The following NHSL1 variants were observed in gnomAD, a reference collection of about 807,000 sequenced individuals.
NHSL1 encodes the protein NHS like 1.
NHSL1 carries 48 observed loss-of-function variants against 95.0 expected under a neutral mutation model. The observed-to-expected ratio is 0.51, with a 90% confidence interval of 0.40 to 0.64. The LOEUF (loss-of-function observed/expected upper bound fraction) is 0.64. Among genes scored for constraint, NHSL1 ranks in the 30% least tolerant of loss-of-function variants. NHSL1 has a pLI of 0.00. For synonymous variants in NHSL1, 783 were observed against 833.9 expected (o/e 0.94, Z 1.05); for missense variants, 1,971 against 2,077.7 (o/e 0.95, Z 1.00).
chr6:138,672,785 G>A (rs938868801), intron 1 of NHSL1, among the ~76,000 whole-genome samples: 1 of 152,134 alleles, frequency 6.6e-6, no homozygotes, highest in Non-Finnish European at 1.5e-5. Flanking sequence ...TTGGGAGGCC[G>A]AGGTAGGCAG....
intron 1 of NHSL1, among the ~76,000 whole-genome samples, chr6:138,592,456 G>A (rs1379554512): frequency 1.3e-5 from 2 of 152,078 alleles, no homozygotes; most frequent in Non-Finnish European, 2.9e-5. Flanking sequence ...AAAATTGGCT[G>A]GGGTGGTGGC....
In NHSL1 at chr6:138,463,735, T is replaced by C. The variant is rs571427832; in HGVS notation, c.339+9571A>G. Among the ~76,000 whole-genome samples, 43 of 152,032 alleles carry C rather than the reference T, an allele frequency of 2.8e-4. No homozygotes were observed. In the South Asian group the frequency reaches 9.0e-3, roughly 32 times the overall value. ...CAGGCCCCGGTGTGTGATGTTCCCC[T>C]CCCTGTGTCCATGTGTTCTCACTGC... On this transcript the variant is annotated intron_variant, in intron 3 of 7. Coordinates refer to ENST00000343505, the MANE Select transcript of NHSL1 (RefSeq NM_001144060.2).
chr6:138,605,058 A>G (rs1784415690), intron 1 of NHSL1, among the ~76,000 whole-genome samples: 1 of 152,236 alleles, frequency 6.6e-6, no homozygotes, highest in African/African-American at 2.4e-5. Flanking sequence ...AATTGCCAAA[A>G]TAGTACAGAG....
chr6:138,519,450 C>CT (rs556591341), intron 1 of NHSL1, among the ~76,000 whole-genome samples: 5 of 151,452 alleles, frequency 3.3e-5, no homozygotes, highest in Non-Finnish European at 7.4e-5. Context: ...ACATTCTTGT[C>CT]TTTTTTTTTA....
At chr6:138,565,762 A>AAAAATAAAATAAAAT (rs146572935) in intron 1 of NHSL1, among the ~76,000 whole-genome samples, 13,498 of 147,374 alleles carry the variant, frequency 0.092, 1,156 homozygotes, top group African/African-American at 0.23. Flanking sequence ...CCATCTCTAC[A>AAAAATAAAATAAAAT]AAAATAAAAT....
At chr6:138,553,057 T>C (rs1412862564) in intron 1 of NHSL1, among the ~76,000 whole-genome samples, 1 of 152,136 alleles carries the variant, frequency 6.6e-6, no homozygotes, top group East Asian at 1.9e-4. Flanking sequence ...GCACCATCCT[T>C]TCCCTCCAGA....
At chr6:138,463,096 C>T (rs1387341775) in intron 3 of NHSL1, among the ~76,000 whole-genome samples, 1 of 152,128 alleles carries the variant, frequency 6.6e-6, no homozygotes, top group Non-Finnish European at 1.5e-5. Context: ...CTGCAGGATT[C>T]ACTTTCCAAA....
At position 138,626,323 on chromosome 6, in the gene NHSL1, C is replaced by T. The variant is rs183102182; in HGVS notation, c.96+66153G>A. Among the ~76,000 whole-genome samples, 54 of 152,296 alleles carry T rather than the reference C, an allele frequency of 3.5e-4. No individual in the cohort carries two copies. The East Asian group carries it at 8.1e-3, about 23-fold the overall frequency. On this transcript the variant is annotated intron_variant, in intron 1 of 3. Transcript: ENST00000491526. ...ATGTTAATACAGGAGTCTCTTCCCTCGCAAAGCAAAATCTTGAAAGAGCCA... is the reference window on the plus strand; with the variant it reads ...ATGTTAATACAGGAGTCTCTTCCCTTGCAAAGCAAAATCTTGAAAGAGCCA...
intron 1 of NHSL1, among the ~76,000 whole-genome samples, chr6:138,565,448 A>C (rs886393165): frequency 1.3e-5 from 2 of 151,876 alleles, no homozygotes; most frequent in Non-Finnish European, 2.9e-5. Flanking sequence ...GACAGTGTAG[A>C]CTCATGGATG....
At chr6:138,479,771 G>A (rs778929450) in intron 2 of NHSL1, among the ~76,000 whole-genome samples, 3 of 152,172 alleles carry the variant, frequency 2.0e-5, no homozygotes, top group African/African-American at 4.8e-5. Context: ...ATAAAAGTAC[G>A]TGGACATTTT....
chr6:138,486,244 C>T (rs1779722525), intron 2 of NHSL1, among the ~76,000 whole-genome samples: 1 of 152,156 alleles, frequency 6.6e-6, no homozygotes, highest in South Asian at 2.1e-4. Context: ...CGTGCCACCA[C>T]CTCAAAATAC....
rs1774959865 is a variant in NHSL1 at position 138,422,136 on chromosome 6, TTA to T, written c.*1943_*1944del. ...TTTAAAAATAGTTTTATAATTAGTG[TTA>T]TGTTGCTTTATCTTATCTTTGCATA... On this transcript the variant is annotated 3_prime_UTR_variant, in exon 8 of 8. Coordinates refer to ENST00000343505, the MANE Select transcript of NHSL1 (RefSeq NM_001144060.2). 1 of 152,238 alleles carries T rather than the reference TTA, an allele frequency of 6.6e-6. No individual in the cohort carries two copies. The highest frequency in any genetic ancestry group is 2.4e-5 in the African/African-American group (1 of 41,468). The allele number at this position is 152,238 out of a possible 1,614,324, so 9.4% of individuals were successfully genotyped here.
intron 1 of NHSL1, among the ~76,000 whole-genome samples, chr6:138,660,014 C>T (rs1022084819): frequency 2.0e-5 from 3 of 152,182 alleles, no homozygotes; most frequent in Non-Finnish European, 4.4e-5. Context: ...CCATGCCTGG[C>T]CATTCCTACA....
chr6:138,471,325 C>A (rs997704039), intron 3 of NHSL1, among the ~76,000 whole-genome samples: 2 of 152,230 alleles, frequency 1.3e-5, no homozygotes, highest in African/African-American at 4.8e-5. Flanking sequence ...CTATAAACTT[C>A]TCTTCCTTCT....
intron 5 of NHSL1, among the ~76,000 whole-genome samples, chr6:138,437,434 ACACACACACAC>A (rs1776244322): frequency 5.3e-5 from 2 of 37,824 alleles, no homozygotes; most frequent in African/African-American, 2.1e-4. Context: ...ACACACACAC[ACACACACACAC>A]AAAAAAAAAA....
intron 1 of NHSL1, among the ~76,000 whole-genome samples, chr6:138,669,419 C>T (rs1211792446): frequency 6.6e-6 from 1 of 152,142 alleles, no homozygotes; most frequent in Admixed American, 6.5e-5. Context: ...GCTATTTATA[C>T]TGCCGAGTTC....
In NHSL1 at chr6:138,424,908, C is replaced by T; in HGVS notation, c.4086-92G>A. On this transcript the variant is annotated intron_variant, in intron 7 of 7. Coordinates refer to ENST00000343505, the MANE Select transcript of NHSL1 (RefSeq NM_001144060.2). The surrounding 1 kb of genome is among the most constrained non-coding windows in gnomAD (Gnocchi z 5.9). ...CTCTGCTCTTATCGCATCTTCAGGT[C>T]ACCATCTACTTAAGATTCACTTTCA... is the stretch of plus-strand genomic sequence containing the variant. The T allele has an allele frequency of 9.8e-7, 1 of 1,021,962 alleles. No homozygotes were observed. The allele number at this position is 1,021,962 out of a possible 1,614,324, so 63.3% of individuals were successfully genotyped here.
At chr6:138,561,810 G>A (rs1783422006) in intron 1 of NHSL1, among the ~76,000 whole-genome samples, 1 of 152,154 alleles carries the variant, frequency 6.6e-6, no homozygotes, top group African/African-American at 2.4e-5. Flanking sequence ...CAACCACTGG[G>A]GGAAGATGGT....
chr6:138,681,083 CTG>C (rs1366360171), intron 1 of NHSL1, among the ~76,000 whole-genome samples: 1 of 152,054 alleles, frequency 6.6e-6, no homozygotes, highest in African/African-American at 2.4e-5. Context: ...CGAAATGTAA[CTG>C]AGATCTCACA....
Sources: gnomAD v4.1 joint callset for allele counts (sites outside exome capture counted in the v4.1 genomes callset) on GRCh38, gnomAD v4.1.1 for gene constraint, Gnocchi (gnomAD v3.1) non-coding constraint, MANE v1.5 for transcripts, NCBI Gene and HGNC (gene_info 2026-07-23, HGNC 2026-07-21) for gene names.